The following PDCD1LG2 variants were observed in gnomAD, a reference collection of about 807,000 sequenced individuals.
PDCD1LG2 encodes programmed cell death 1 ligand 2, also known as B7 dendritic cell molecule.
PDCD1LG2 carries 32 observed loss-of-function variants against 28.2 expected under a neutral mutation model. The observed-to-expected ratio is 1.13, with a 90% CI of 0.86 to 1.52. The LOEUF is 1.52. Among genes scored for constraint, PDCD1LG2 ranks in the 40% most tolerant of loss-of-function variants. The pLI, the probability that PDCD1LG2 is intolerant of heterozygous loss-of-function variation, is 0.00. For synonymous variants in PDCD1LG2, 116 were observed against 120.2 expected (o/e 0.97, Z 0.23); for missense variants, 385 against 323.8 (o/e 1.19, Z -1.45).
intron 2 of PDCD1LG2, among the ~76,000 whole-genome samples, chr9:5,533,436 G>C (rs1586801964): frequency 2.0e-5 from 3 of 152,248 alleles, no homozygotes; most frequent in East Asian, 3.9e-4. Flanking sequence ...CTGGTAAATA[G>C]AGAATAGGAA....
intron 4 of PDCD1LG2, among the ~76,000 whole-genome samples, chr9:5,554,556 AG>A (rs1816398789): frequency 6.6e-6 from 1 of 152,206 alleles, no homozygotes; most frequent in African/African-American, 2.4e-5. Context: ...TGGTGGGTGG[AG>A]GGTACTCCAC....
chr9:5,515,922 C>CAAAAAAAAAAAAAAAAA (rs1204038026), intron 1 of PDCD1LG2, among the ~76,000 whole-genome samples: 8 of 30,298 alleles, frequency 2.6e-4, no homozygotes, highest in East Asian at 8.3e-4. Flanking sequence ...GACTCCATCT[C>CAAAAAAAAAAAAAAAAA]AAAAAAAAAA....
intron 2 of PDCD1LG2, 121 bp from the exon 3 acceptor site, chr9:5,534,624 G>A: frequency 2.4e-6 from 2 of 816,360 alleles, no homozygotes; most frequent in Non-Finnish European, 3.8e-6. Flanking sequence ...CCACGGGAAT[G>A]TCCAGATAAG....
intron 2 of PDCD1LG2, among the ~76,000 whole-genome samples, chr9:5,534,281 G>A (rs1820536922): frequency 6.6e-6 from 1 of 152,146 alleles, no homozygotes. Flanking sequence ...TATGGATTGA[G>A]GGAAACAAAC....
chr9:5,515,462 C>T (rs1189155962), intron 1 of PDCD1LG2, among the ~76,000 whole-genome samples: 1 of 152,140 alleles, frequency 6.6e-6, no homozygotes, highest in East Asian at 1.9e-4. Context: ...ATGTGGACAA[C>T]TGGAGGGTGA....
intron 6 of PDCD1LG2, among the ~76,000 whole-genome samples, chr9:5,567,370 C>T (rs1415502449): frequency 2.6e-5 from 4 of 152,254 alleles, no homozygotes; most frequent in Admixed American, 1.3e-4. Flanking sequence ...GTCTGTGACA[C>T]ACTGCCCTTT....
chr9:5,542,927 G>C (rs1159574783), intron 3 of PDCD1LG2, among the ~76,000 whole-genome samples: 1 of 152,048 alleles, frequency 6.6e-6, no homozygotes, highest in Non-Finnish European at 1.5e-5. Context: ...TATGGAACCA[G>C]CCCAAATGCC....
intron 4 of PDCD1LG2, among the ~76,000 whole-genome samples, chr9:5,551,442 C>T (rs1291763076): frequency 6.6e-6 from 1 of 152,086 alleles, no homozygotes; most frequent in Non-Finnish European, 1.5e-5. Flanking sequence ...AGTATATTAT[C>T]AAAGTTGTAG....
chr9:5,527,454 T>C (rs1820401535), intron 2 of PDCD1LG2, among the ~76,000 whole-genome samples: 1 of 152,240 alleles, frequency 6.6e-6, no homozygotes, highest in Non-Finnish European at 1.5e-5. Flanking sequence ...CATAAAGCAT[T>C]TGAAATTCAT....
intron 2 of PDCD1LG2, among the ~76,000 whole-genome samples, chr9:5,529,804 T>G (rs944960455): frequency 2.0e-5 from 3 of 152,188 alleles, no homozygotes; most frequent in East Asian, 3.9e-4. Context: ...CCCTGCTGAC[T>G]GCTGAGATAA....
chr9:5,546,462 G>A (rs1351335129), intron 3 of PDCD1LG2, among the ~76,000 whole-genome samples: 2 of 152,174 alleles, frequency 1.3e-5, no homozygotes, highest in Non-Finnish European at 2.9e-5. Flanking sequence ...GTGAGTACTC[G>A]AAATACACAC....
At chr9:5,514,772 GAAAAAA>G (rs60002651) in intron 1 of PDCD1LG2, among the ~76,000 whole-genome samples, 1 of 62,382 alleles carries the variant, frequency 1.6e-5, no homozygotes, top group Non-Finnish European at 3.3e-5. Context: ...AGTCTCTAAA[GAAAAAA>G]AAAAAAAAAA....
intron 4 of PDCD1LG2, 110 bp downstream of exon 4, chr9:5,549,714 T>C: frequency 7.5e-7 from 1 of 1,328,902 alleles, no homozygotes; most frequent in South Asian, 1.4e-5. Flanking sequence ...TTTACAAAGG[T>C]GTGATCACCA....
chr9:5,550,633 C>CT (rs1433307296), intron 4 of PDCD1LG2, among the ~76,000 whole-genome samples: 1 of 152,094 alleles, frequency 6.6e-6, no homozygotes, highest in Non-Finnish European at 1.5e-5. Flanking sequence ...GCCCCTCCCT[C>CT]TATCTTCAGA....
intron 2 of PDCD1LG2, among the ~76,000 whole-genome samples, chr9:5,532,401 T>C (rs191078085): frequency 6.7e-4 from 102 of 152,314 alleles, no homozygotes; most frequent in Non-Finnish European, 9.6e-4. Context: ...TGTGTGGCAA[T>C]TAAGAATGCC....
chr9:5,549,729 G>T, intron 4 of PDCD1LG2, 125 bp downstream of exon 4: 1 of 1,198,678 alleles, frequency 8.3e-7, no homozygotes, highest in Non-Finnish European at 1.2e-6. Flanking sequence ...TCACCATTTG[G>T]AGAAACTACA....
chr9:5,540,468 A>G (rs1188833583), intron 3 of PDCD1LG2, among the ~76,000 whole-genome samples: 3 of 152,286 alleles, frequency 2.0e-5, no homozygotes, highest in South Asian at 4.1e-4. Flanking sequence ...AAGATAAATA[A>G]AATTGATAAC....
At chr9:5,553,043 G>A (rs750689647) in intron 4 of PDCD1LG2, among the ~76,000 whole-genome samples, 1 of 152,092 alleles carries the variant, frequency 6.6e-6, no homozygotes, top group Non-Finnish European at 1.5e-5. Context: ...GTAGATTGAG[G>A]TTACAGTGAG....
intron 1 of PDCD1LG2, among the ~76,000 whole-genome samples, chr9:5,513,422 T>C (rs1475303590): frequency 1.3e-5 from 2 of 152,240 alleles, no homozygotes; most frequent in East Asian, 3.8e-4. Flanking sequence ...TTGTTTTACA[T>C]CAGTTTTACT....
Sources: allele counts gnomAD v4.1 joint callset (sites outside exome capture counted in the v4.1 genomes callset), GRCh38; gene constraint gnomAD v4.1.1; transcripts MANE v1.5; gene names NCBI Gene and HGNC (gene_info 2026-07-23, HGNC 2026-07-21).